LYST: variants seen among roughly 807,000 people sequenced by gnomAD.
The protein encoded by LYST is lysosomal trafficking regulator, also known as lysosomal-trafficking regulator.
Under a neutral mutation model 413.6 loss-of-function variants are expected in LYST, and 192 were observed. The ratio of observed to expected loss-of-function variants is 0.46; its 90% CI spans 0.41 to 0.52. The LOEUF (loss-of-function observed/expected upper bound fraction) is 0.52, where lower values mean the gene tolerates loss of function less well. LYST is among the 20% of genes least tolerant of loss of function. The pLI is 0.00. For synonymous variants in LYST, 1,525 were observed against 1,567.3 expected (o/e 0.97, Z 0.64); for missense variants, 3,815 against 4,499.9 (o/e 0.85, Z 4.35).
chr1:235,753,019 T>C (rs1196898428), intron 26 of LYST, 25 bp downstream of exon 26: 1 of 1,219,472 alleles, frequency 8.2e-7, no homozygotes, highest in East Asian at 2.5e-5. Context: ...TCAGATGTAA[T>C]TTTAAATAAT....
At chr1:235,819,188 CTTTCCTTCACATTTCA>C (rs2102941263) in intron 3 of LYST, among the ~76,000 whole-genome samples, 2 of 152,282 alleles carry the variant, frequency 1.3e-5, no homozygotes, top group South Asian at 4.2e-4. Context: ...GGAAACGAGT[CTTTCCTTCACATTTCA>C]TTACCACAAT....
rs756511851 is a variant in LYST, at chr1:235,751,224, C to T, written c.7766G>A (p.Arg2589Gln). ...TCAATACTCGCCAGCAATGCTTTTC[C>T]GCTTTTGAACTACTGCATGATGGGG... ...SAPHHAVVQK[R>Q]KSIAGPRKFP... Residue 2589 changes from arginine (R) to glutamine (Q), a missense_variant, in exon 28 of 53, where the codon CGG becomes CAG. Coordinates refer to ENST00000389793, the MANE Select transcript of LYST (RefSeq NM_000081.4). 12 of 1,613,522 alleles carry T rather than the reference C, an allele frequency of 7.4e-6. No homozygotes were observed. The highest frequency in any genetic ancestry group is 1.3e-5 in the African/African-American group (1 of 74,862).
chr1:235,762,248 C>T (rs956036886), intron 22 of LYST, among the ~76,000 whole-genome samples: 11 of 151,916 alleles, frequency 7.2e-5, no homozygotes, highest in South Asian at 4.2e-4. Flanking sequence ...TAGAACAAAG[C>T]GGGATATTGT....
chr1:235,712,660 T>C (rs1258549014), intron 42 of LYST: 1 of 985,134 alleles, frequency 1.0e-6, no homozygotes, highest in Non-Finnish European at 1.2e-6. Flanking sequence ...TTAAGACTAC[T>C]TTTTCTCCTT....
intron 1 of LYST, among the ~76,000 whole-genome samples, chr1:235,875,708 G>A (rs1681104400): frequency 6.6e-6 from 1 of 152,126 alleles, no homozygotes; most frequent in Admixed American, 6.6e-5. Flanking sequence ...GCCAGGCATG[G>A]TGACACACGC....
At chr1:235,761,363 A>G (rs562190196) in intron 22 of LYST, among the ~76,000 whole-genome samples, 1 of 152,338 alleles carries the variant, frequency 6.6e-6, no homozygotes, top group African/African-American at 2.4e-5. Flanking sequence ...GACAGTAGTC[A>G]GGAAAGGAAA....
At chr1:235,799,448 T>C (rs190926422) in intron 10 of LYST, among the ~76,000 whole-genome samples, 14 of 152,272 alleles carry the variant, frequency 9.2e-5, no homozygotes, top group Non-Finnish European at 1.9e-4. Flanking sequence ...ACATCACCAG[T>C]AGTAAGATCC....
In LYST at chr1:235,806,182, C is replaced by G. The variant is rs764878449; in HGVS notation, c.2954G>C (p.Gly985Ala). The G allele has an allele frequency of 7.4e-6, 12 of 1,613,708 alleles. No individual in the cohort carries two copies. The highest frequency in any genetic ancestry group is 1.0e-5 in the Non-Finnish European group (12 of 1,179,984). The change falls in exon 6 of 53, where the codon GGT becomes GCT. Residue 985 changes from glycine to alanine, a missense_variant. Coordinates refer to ENST00000389793, the MANE Select transcript of LYST (RefSeq NM_000081.4). ...SVFQKQFYRL[G>A]GFRVCHKLIF... Reference sequence around the variant, plus strand: ...TAACTTATGGCATACTCGGAAACCACCAAGCCTATAAAACTGTTTCTGGAA... The same window carrying G: ...TAACTTATGGCATACTCGGAAACCAGCAAGCCTATAAAACTGTTTCTGGAA...
At chr1:235,863,379 G>A (rs1417439305) in intron 1 of LYST, among the ~76,000 whole-genome samples, 1 of 151,620 alleles carries the variant, frequency 6.6e-6, no homozygotes, top group Non-Finnish European at 1.5e-5. Context: ...GTGACAGAGC[G>A]AGACTCTGTC....
At chr1:235,805,533 TATAAA>T (rs1467234941) in intron 6 of LYST, among the ~76,000 whole-genome samples, 1 of 151,564 alleles carries the variant, frequency 6.6e-6, no homozygotes, top group African/African-American at 2.4e-5. Flanking sequence ...ATCTGACACT[TATAAA>T]ATGTGTGTGT....
intron 47 of LYST, among the ~76,000 whole-genome samples, chr1:235,687,327 T>C (rs745820877): frequency 3.9e-5 from 6 of 152,210 alleles, no homozygotes; most frequent in Admixed American, 2.0e-4. Flanking sequence ...TATATGTGTA[T>C]ATATATTTAG....
At chr1:235,688,994 A>AATAATG (rs1329040097) in intron 47 of LYST, among the ~76,000 whole-genome samples, 2 of 103,734 alleles carry the variant, frequency 1.9e-5, no homozygotes, top group African/African-American at 1.1e-4. Flanking sequence ...AAATAATAAT[A>AATAATG]ATAATAATAA....
rs532260333 is a variant in LYST at position 235,750,992 on chromosome 1, T to G, written c.7780+218A>C. ...TTTTTTCATCATTGTATCTCCAATA[T>G]TTAGCACAATGCTCAGCACATGGTA... is the stretch of plus-strand genomic sequence containing the variant. On this transcript the variant is annotated intron_variant, in intron 28 of 52. Transcript: ENST00000389793. 1.3e-4 allele frequency among the ~76,000 whole-genome samples: 20 copies of G among 152,314 alleles called. No homozygotes were observed. The South Asian group carries it at 2.9e-3, about 22-fold the overall frequency.
At chr1:235,867,777 A>T (rs1388310306), upstream of LYST, among the ~76,000 whole-genome samples, 2 of 152,214 alleles carry the variant, frequency 1.3e-5, no homozygotes, top group Non-Finnish European at 2.9e-5. Flanking sequence ...AGGTACTGGG[A>T]AAAAGCCTGA....
rs1163281392 is a variant in LYST, at chr1:235,663,039, T to G, written c.11307A>C (p.Ala3769=). The part of the protein sequence containing the change: ...FSCDGHHLYT[A]NSDGTVIAWC... ...AGGCAATCACGGTCCCATCACTGTT[T>G]GCTGTGTACAAATGGTGGCCATCAC... Residue 3769 remains alanine (A), a synonymous_variant, in exon 53 of 53, where the codon GCA becomes GCC. Transcript: ENST00000389793. 1.2e-6 allele frequency: 2 copies of G among 1,613,944 alleles called. No homozygotes were observed. The highest frequency in any genetic ancestry group is 2.7e-5 in the African/African-American group (2 of 74,886).
chr1:235,738,035 T>G, intron 31 of LYST: 1 of 1,560,568 alleles, frequency 6.4e-7, no homozygotes, highest in South Asian at 1.2e-5. Flanking sequence ...TTCACAGTCT[T>G]CTAAAGGAAG....
intron 34 of LYST, among the ~76,000 whole-genome samples, chr1:235,732,713 A>G (rs1664488718): frequency 6.6e-6 from 1 of 152,174 alleles, no homozygotes; most frequent in Non-Finnish European, 1.5e-5. Flanking sequence ...GCAATATTGA[A>G]TATTTTCCCG....
intron 14 of LYST, among the ~76,000 whole-genome samples, chr1:235,784,652 C>T (rs1202042289): frequency 3.3e-5 from 5 of 152,098 alleles, no homozygotes; most frequent in Non-Finnish European, 5.9e-5. Context: ...AATATACCTA[C>T]TTTATAGTAT....
intron 10 of LYST, among the ~76,000 whole-genome samples, chr1:235,798,177 T>C (rs895121816): frequency 1.4e-4 from 22 of 152,212 alleles, no homozygotes; most frequent in Non-Finnish European, 2.9e-4. Context: ...TGAGAAACTG[T>C]TACAGTCAAG....
Sources: allele counts gnomAD v4.1 joint callset (sites outside exome capture counted in the v4.1 genomes callset), GRCh38; gene constraint gnomAD v4.1.1; transcripts MANE v1.5; gene names NCBI Gene and HGNC (gene_info 2026-07-23, HGNC 2026-07-21).